The following DAB1 variants were observed in gnomAD, a reference collection of about 807,000 sequenced individuals.
The protein encoded by DAB1 is DAB adaptor protein 1, also known as disabled homolog 1.
A neutral mutation model predicts 64.6 loss-of-function variants in DAB1; 15 were observed. The observed-to-expected ratio is 0.23, with a 90% CI of 0.16 to 0.36. The LOEUF (loss-of-function observed/expected upper bound fraction) is 0.36, where lower values mean the gene tolerates loss of function less well. Among genes scored for constraint, DAB1 ranks in the 10% least tolerant of loss-of-function variants. The pLI, the probability that DAB1 is intolerant of heterozygous loss-of-function variation, is 1.00. For missense variants in DAB1, 596 were observed against 706.7 expected (o/e 0.84, Z 1.78); for synonymous variants, 235 against 251.9 (o/e 0.93, Z 0.64).
chr1:58,002,688 GAGAC>G (rs1046103926), intron 5 of DAB1, among the ~76,000 whole-genome samples: 2 of 152,116 alleles, frequency 1.3e-5, no homozygotes, highest in African/African-American at 4.8e-5. Context: ...TATAGAGAGA[GAGAC>G]AGAGAGAGAG....
At chr1:58,465,518 G>T (rs1393863427) in intron 3 of DAB1, among the ~76,000 whole-genome samples, 1 of 152,238 alleles carries the variant, frequency 6.6e-6, no homozygotes, top group East Asian at 1.9e-4. Context: ...TACAGGCTCA[G>T]AGGAGGACCC....
In DAB1 at chr1:57,288,523, G is replaced by T. The variant is rs78435161; in HGVS notation, c.67+2441C>A. Among the ~76,000 whole-genome samples, 1,240 of 152,238 alleles carry T rather than the reference G, an allele frequency of 8.1e-3. 32 individuals carry two copies. Among genetic ancestry groups the T allele is most frequent in the East Asian group, 0.08 (414 of 5,168 alleles). On this transcript the variant is annotated intron_variant, in intron 2 of 14. Coordinates refer to ENST00000371236, the MANE Select transcript of DAB1 (RefSeq NM_001365792.1). ...AAAGAGTTTGGTCTTCCTCTACCACGTGAGGACATGGTGAGAAGATGACCA... is the reference window on the plus strand; with the variant it reads ...AAAGAGTTTGGTCTTCCTCTACCACTTGAGGACATGGTGAGAAGATGACCA...
At chr1:57,451,452 A>T (rs1339378737) in intron 7 of DAB1, among the ~76,000 whole-genome samples, 2 of 152,192 alleles carry the variant, frequency 1.3e-5, no homozygotes, top group Admixed American at 6.5e-5. Flanking sequence ...TTTATTTTTT[A>T]AAATTACCTG....
chr1:57,901,635 A>T (rs1314067493), intron 5 of DAB1, among the ~76,000 whole-genome samples: 1 of 152,106 alleles, frequency 6.6e-6, no homozygotes, highest in Non-Finnish European at 1.5e-5. Context: ...GCCTAGATAC[A>T]GGAGGTGGCT....
intron 5 of DAB1, among the ~76,000 whole-genome samples, chr1:58,147,524 G>A (rs889772097): frequency 6.7e-6 from 1 of 150,110 alleles, no homozygotes. Flanking sequence ...GCTGAGGCAG[G>A]AGAATGGCAA....
intron 4 of DAB1, among the ~76,000 whole-genome samples, chr1:58,198,386 G>C (rs2100254919): frequency 6.6e-6 from 1 of 152,318 alleles, no homozygotes; most frequent in East Asian, 1.9e-4. Context: ...AAGTGGCTGG[G>C]ACAGGTAGCA....
intron 5 of DAB1, among the ~76,000 whole-genome samples, chr1:57,897,980 C>G (rs1284329338): frequency 6.6e-6 from 1 of 152,096 alleles, no homozygotes; most frequent in East Asian, 1.9e-4. Context: ...GACAATCTGA[C>G]AGCAGGTCCT....
At chr1:57,352,555 T>A (rs1678672000) in intron 1 of DAB1, among the ~76,000 whole-genome samples, 1 of 152,092 alleles carries the variant, frequency 6.6e-6, no homozygotes, top group Admixed American at 6.6e-5. Flanking sequence ...AACCACTCTA[T>A]GGCATAAGTA....
intron 3 of DAB1, among the ~76,000 whole-genome samples, chr1:58,471,693 T>C (rs1013249063): frequency 6.6e-6 from 1 of 152,172 alleles, no homozygotes; most frequent in Non-Finnish European, 1.5e-5. Context: ...TCTGTGCTGT[T>C]CTCGTGATAG....
chr1:58,469,846 T>C (rs555397514), intron 3 of DAB1, among the ~76,000 whole-genome samples: 5 of 152,254 alleles, frequency 3.3e-5, no homozygotes, highest in South Asian at 2.1e-4. Context: ...CTTGGTGAGG[T>C]AGGAGGAAGG....
chr1:57,111,642 C>T (rs1463148193), intron 4 of DAB1, among the ~76,000 whole-genome samples: 4 of 152,192 alleles, frequency 2.6e-5, no homozygotes, highest in East Asian at 1.9e-4. Context: ...CTATCCCTCC[C>T]AGTCACTCCC....
chr1:58,151,862 A>C (rs574904050), intron 4 of DAB1, among the ~76,000 whole-genome samples: 4 of 152,348 alleles, frequency 2.6e-5, no homozygotes, highest in Admixed American at 2.0e-4. Flanking sequence ...TATCCATTGG[A>C]AGAACGGTTG....
At chr1:57,519,598 G>A (rs1414121813) in intron 7 of DAB1, among the ~76,000 whole-genome samples, 1 of 152,098 alleles carries the variant, frequency 6.6e-6, no homozygotes, top group African/African-American at 2.4e-5. Flanking sequence ...TGGGGTACAG[G>A]GTGCCCCTAG....
chr1:57,489,133 AT>A (rs1274145279), intron 7 of DAB1, among the ~76,000 whole-genome samples: 3 of 152,180 alleles, frequency 2.0e-5, no homozygotes, highest in African/African-American at 7.2e-5. Flanking sequence ...CTGCCTCTTG[AT>A]GCTTTTGCCA....
intron 4 of DAB1, among the ~76,000 whole-genome samples, chr1:58,303,473 C>G (rs1662222254): frequency 6.6e-6 from 1 of 152,058 alleles, no homozygotes. Context: ...AGGACTTATC[C>G]TAAAGAAAGT....
chr1:57,314,268 A>T (rs1357465459), intron 1 of DAB1, among the ~76,000 whole-genome samples: 1 of 152,212 alleles, frequency 6.6e-6, no homozygotes, highest in Non-Finnish European at 1.5e-5. Flanking sequence ...CCAAGGGGAA[A>T]CTTTGTCAAA....
intron 6 of DAB1, among the ~76,000 whole-genome samples, chr1:57,801,451 T>C (rs537493631): frequency 1.3e-5 from 2 of 152,306 alleles, no homozygotes; most frequent in East Asian, 3.9e-4. Flanking sequence ...TCTTATGGAA[T>C]ACCATTCAGT....
rs555885097 is a variant in DAB1 at position 57,151,644 on chromosome 1, G to A, written c.68-6215C>T. ...GGTCCTCAGAACAAAACTTTCCAAAGTTTCAATTTGGGGTTTTCAAATAGA... is the reference window on the plus strand; with the variant it reads ...GGTCCTCAGAACAAAACTTTCCAAAATTTCAATTTGGGGTTTTCAAATAGA... On this transcript the variant is annotated intron_variant, in intron 2 of 14. Coordinates refer to ENST00000371236, the MANE Select transcript of DAB1 (RefSeq NM_001365792.1). 2.0e-4 allele frequency among the ~76,000 whole-genome samples: 30 copies of A among 151,904 alleles called. No individual in the cohort carries two copies. In the South Asian group the frequency reaches 4.6e-3, roughly 23 times the overall value.
At chr1:57,631,803 T>C (rs964277423) in intron 7 of DAB1, among the ~76,000 whole-genome samples, 1 of 152,166 alleles carries the variant, frequency 6.6e-6, no homozygotes, top group Non-Finnish European at 1.5e-5. Flanking sequence ...AGCAGGGAAA[T>C]GTACCAGGAC....
Sources: allele counts gnomAD v4.1 joint callset (sites outside exome capture counted in the v4.1 genomes callset), GRCh38; gene constraint gnomAD v4.1.1; transcripts MANE v1.5; gene names NCBI Gene and HGNC (gene_info 2026-07-23, HGNC 2026-07-21).